The following ATXN10 variants were observed in gnomAD, a reference collection of about 807,000 sequenced individuals.
The protein encoded by ATXN10 is ataxin-10.
In ATXN10, 28 loss-of-function variants were observed where a neutral mutation model predicts 52.9. The ratio of observed to expected loss-of-function variants is 0.53; its 90% CI spans 0.39 to 0.73. ATXN10 has a LOEUF of 0.73. Among genes scored for constraint, ATXN10 ranks in the 30% least tolerant of loss-of-function variants. ATXN10 has a pLI of 0.00. For missense variants in ATXN10, 565 were observed against 577.0 expected (o/e 0.98, Z 0.21); for synonymous variants, 226 against 221.5 (o/e 1.02, Z -0.18).
intron 9 of ATXN10, among the ~76,000 whole-genome samples, chr22:45,751,488 T>G (rs971492005): frequency 2.0e-5 from 3 of 151,992 alleles, no homozygotes; most frequent in Admixed American, 6.6e-5. Context: ...AAGATCATTC[T>G]TCCACTGTTA....
rs1923444780 is a variant in ATXN10 at position 45,693,015 on chromosome 22, G to A, written c.328G>A (p.Val110Ile). Residue 110 changes from valine to isoleucine, a missense_variant, in exon 3 of 12, where the codon GTT (valine) becomes ATT (isoleucine). Physicochemically the swap from Val to Ile is conservative, Grantham distance 29. Transcript: ENST00000252934. ...ACCCAGGAACTTGGATACGATTGGTGTTGCTGTTGATTTGATTCTTCTGTT... is the reference window on the plus strand; with the variant it reads ...ACCCAGGAACTTGGATACGATTGGTATTGCTGTTGATTTGATTCTTCTGTT... ...NSIRNLDTIG[V>I]AVDLILLFRE... 6.2e-7 allele frequency: 1 copy of A among 1,614,088 alleles called. No homozygotes were observed. The highest frequency in any genetic ancestry group is 8.5e-7 in the Non-Finnish European group (1 of 1,179,980).
Position 45,759,136 on chromosome 22 carries a change from G to C in ATXN10, c.1173+18598G>C, listed in dbSNP as rs577523555. On this transcript the variant is annotated intron_variant, in intron 9 of 11. Transcript: ENST00000252934. This position sits in a 1 kb window ranked among gnomAD's most constrained non-coding sequence, Gnocchi z 5.4. ...GCACACTGTGTGCCAAGCATTATGC[G>C]AGGTGCTGGAGAGAAGGAAGGGGAA... 2.0e-5 allele frequency among the ~76,000 whole-genome samples: 3 copies of C among 152,118 alleles called. No homozygotes were observed. The highest frequency in any genetic ancestry group is 4.4e-5 in the Non-Finnish European group (3 of 68,016).
chr22:45,716,964 A>AC (rs889328914), intron 5 of ATXN10, among the ~76,000 whole-genome samples: 2 of 152,086 alleles, frequency 1.3e-5, no homozygotes, highest in African/African-American at 4.8e-5. Flanking sequence ...CACTCTGAAG[A>AC]CCCACGCTTT....
chr22:45,776,787 A>AC, intron 9 of ATXN10, among the ~76,000 whole-genome samples: 1 of 152,340 alleles, frequency 6.6e-6, no homozygotes, highest in East Asian at 1.9e-4. Context: ...CACCCAAAAT[A>AC]CTAACTGCTG....
intron 5 of ATXN10, among the ~76,000 whole-genome samples, chr22:45,709,889 C>T (rs1238186399): frequency 6.6e-6 from 1 of 152,194 alleles, no homozygotes; most frequent in African/African-American, 2.4e-5. Context: ...TTTGCTGAGG[C>T]CTGGAACCTG....
At position 45,775,674 on chromosome 22, in the gene ATXN10, G is replaced by T. The variant is rs983828822; in HGVS notation, c.1174-31285G>T. 1.3e-5 allele frequency among the ~76,000 whole-genome samples: 2 copies of T among 152,186 alleles called. No homozygotes were observed. Among genetic ancestry groups the T allele is most frequent in the Non-Finnish European group, 2.9e-5 (2 of 68,028 alleles). ...ACTATTTATAATAAAAATGTGACTT[G>T]CAGTATTGTTATTGAGAGAGATTTA... is the stretch of plus-strand genomic sequence containing the variant. On this transcript the variant is annotated intron_variant, in intron 9 of 11. Coordinates refer to ENST00000252934, the MANE Select transcript of ATXN10 (RefSeq NM_013236.4). The surrounding 1 kb of genome is among the most constrained non-coding windows in gnomAD (Gnocchi z 4.7).
In ATXN10 at chr22:45,672,042, C is replaced by A; in HGVS notation, c.-22C>A. On this transcript the variant is annotated 5_prime_UTR_variant, in exon 1 of 12. Coordinates refer to ENST00000252934, the MANE Select transcript of ATXN10 (RefSeq NM_013236.4). ...TCGCCTTCCTCCTCCTCGTCAGGCTCGACCCAGCTGTGAGCGGCAAGATGG... is the reference window on the plus strand; with the variant it reads ...TCGCCTTCCTCCTCCTCGTCAGGCTAGACCCAGCTGTGAGCGGCAAGATGG... 1 of 1,533,562 alleles carries A rather than the reference C, an allele frequency of 6.5e-7. No individual in the cohort carries two copies. The highest frequency in any genetic ancestry group is 1.2e-5 in the South Asian group (1 of 83,572). 95.0% of individuals were successfully genotyped at this position (1,533,562 alleles called of 1,614,324 possible). A position where few individuals can be genotyped will look rare whatever the true frequency, so the allele number is the denominator to read the frequency against.
intron 9 of ATXN10, among the ~76,000 whole-genome samples, chr22:45,777,908 G>A (rs1462383702): frequency 1.3e-5 from 2 of 152,226 alleles, no homozygotes; most frequent in African/African-American, 2.4e-5. Context: ...GAGGTGTAGT[G>A]GAAAGAGCTT....
At chr22:45,680,647 A>G (rs1435221560) in intron 1 of ATXN10, among the ~76,000 whole-genome samples, 4 of 149,482 alleles carry the variant, frequency 2.7e-5, no homozygotes, top group Admixed American at 1.3e-4. Flanking sequence ...TTTTTTTGGT[A>G]GAGATTAGCT....
Position 45,708,779 on chromosome 22 carries a change from A to G in ATXN10, c.647+5932A>G, listed in dbSNP as rs1052046956. ...CTCAGCCCCCTGAGTAGCCAGGACT[A>G]CAGGCGTGCGCCACCACGCCTGGCT... On this transcript the variant is annotated intron_variant, in intron 5 of 11. Coordinates refer to ENST00000252934, the MANE Select transcript of ATXN10 (RefSeq NM_013236.4). This position sits in a 1 kb window ranked among gnomAD's most constrained non-coding sequence, Gnocchi z 5.3. Among the ~76,000 whole-genome samples, 3 of 152,120 alleles carry G rather than the reference A, an allele frequency of 2.0e-5. No individual in the cohort carries two copies. The highest frequency in any genetic ancestry group is 2.9e-5 in the Non-Finnish European group (2 of 68,006).
chr22:45,840,651 C>G lies in ATXN10; in HGVS notation c.1238-2340C>G, dbSNP rs1481845709. Among the ~76,000 whole-genome samples the G allele has an allele frequency of 6.6e-6, 1 of 152,196 alleles. No homozygotes were observed. Among genetic ancestry groups the G allele is most frequent in the African/African-American group, 2.4e-5 (1 of 41,450 alleles). On this transcript the variant is annotated intron_variant, in intron 10 of 11. Coordinates refer to ENST00000252934, the MANE Select transcript of ATXN10 (RefSeq NM_013236.4). The surrounding 1 kb of genome is among the most constrained non-coding windows in gnomAD (Gnocchi z 5.8). ...CCCTGGAGTGGAGCAGTTTGATAGT[C>G]CCTTTCCTCCAGAGACATCCTGCGT...
chr22:45,691,903 A>G (rs1923395530), intron 2 of ATXN10, among the ~76,000 whole-genome samples: 1 of 152,146 alleles, frequency 6.6e-6, no homozygotes, highest in South Asian at 2.1e-4. Flanking sequence ...AAAAAAAAAA[A>G]TGCAGTCTAC....
rs927891271 is a variant in ATXN10 at position 45,825,929 on chromosome 22, G to A, written c.1238-17062G>A. ...ACAAAAATTAGCCCCAGGCGTGGTG[G>A]TGTGCACCTGTAGTCCCAGCTACTT... is the stretch of plus-strand genomic sequence containing the variant. On this transcript the variant is annotated intron_variant, in intron 10 of 11. Coordinates refer to ENST00000252934, the MANE Select transcript of ATXN10 (RefSeq NM_013236.4). This position sits in a 1 kb window ranked among gnomAD's most constrained non-coding sequence, Gnocchi z 4.5. 1.3e-5 allele frequency among the ~76,000 whole-genome samples: 2 copies of A among 152,120 alleles called. No homozygotes were observed. Among genetic ancestry groups the A allele is most frequent in the East Asian group, 3.9e-4 (2 of 5,166 alleles).
At chr22:45,693,737 G>A (rs1422150898) in intron 3 of ATXN10, among the ~76,000 whole-genome samples, 1 of 151,956 alleles carries the variant, frequency 6.6e-6, no homozygotes, top group African/African-American at 2.4e-5. Context: ...GTAAAATGAG[G>A]GTATATGACT....
chr22:45,808,433 A>G (rs1928173968), intron 10 of ATXN10, among the ~76,000 whole-genome samples: 2 of 152,234 alleles, frequency 1.3e-5, no homozygotes, highest in Non-Finnish European at 2.9e-5. Flanking sequence ...GAAAATAAAA[A>G]GACTGTTGTA....
At position 45,841,874 on chromosome 22, in the gene ATXN10, C is replaced by A. The variant is rs940894743; in HGVS notation, c.1238-1117C>A. Among the ~76,000 whole-genome samples, 17 of 152,158 alleles carry A rather than the reference C, an allele frequency of 1.1e-4. No homozygotes were observed. Among genetic ancestry groups the A allele is most frequent in the Admixed American group, 1.0e-3 (16 of 15,278 alleles). On this transcript the variant is annotated intron_variant, in intron 10 of 11. Transcript: ENST00000252934. The surrounding 1 kb of genome is among the most constrained non-coding windows in gnomAD (Gnocchi z 5.1). ...TGCACAGGGGTGTTCAGGACAAGAT[C>A]AGAAGACTTGGCTCTTTAGCTCTAG...
At chr22:45,755,799 C>G (rs761558313) in intron 9 of ATXN10, among the ~76,000 whole-genome samples, 11 of 152,074 alleles carry the variant, frequency 7.2e-5, no homozygotes, top group Admixed American at 4.6e-4. Flanking sequence ...TCTTCTGAGC[C>G]CTTAAATATA....
intron 9 of ATXN10, among the ~76,000 whole-genome samples, chr22:45,768,385 G>GA (rs375984870): frequency 1.2e-3 from 170 of 144,924 alleles, no homozygotes; most frequent in Admixed American, 2.3e-3. Context: ...GTTTGAGGAT[G>GA]AAAAAAAAAA....
At position 45,787,734 on chromosome 22, in the gene ATXN10, A is replaced by T. The variant is rs79081652; in HGVS notation, c.1174-19225A>T. On this transcript the variant is annotated intron_variant, in intron 9 of 11. Coordinates refer to ENST00000252934, the MANE Select transcript of ATXN10 (RefSeq NM_013236.4). The surrounding 1 kb of genome is among the most constrained non-coding windows in gnomAD (Gnocchi z 4.2). ...TAATTTTAACAGAACACAGTAGGAC[A>T]TTTGCATATTTCACAGCCCGCAGTT... 0.089 allele frequency among the ~76,000 whole-genome samples: 13,624 copies of T among 152,274 alleles called. 801 individuals are homozygous for T. Among genetic ancestry groups the T allele is most frequent in the Middle Eastern group, 0.15 (44 of 294 alleles).
Sources: allele counts gnomAD v4.1 joint callset (sites outside exome capture counted in the v4.1 genomes callset), GRCh38; gene constraint gnomAD v4.1.1; non-coding constraint Gnocchi (gnomAD v3.1); transcripts MANE v1.5; gene names NCBI Gene and HGNC (gene_info 2026-07-23, HGNC 2026-07-21).